HIVEP3: variants seen among roughly 807,000 people sequenced by gnomAD.
The protein encoded by HIVEP3 is HIVEP zinc finger 3, also known as transcription factor HIVEP3.
Under a neutral mutation model 152.8 loss-of-function variants are expected in HIVEP3, and 49 were observed. The observed-to-expected ratio is 0.32, with a 90% CI of 0.26 to 0.41. The LOEUF is 0.41. Ranked by LOEUF, HIVEP3 falls within the 10% of genes least tolerant of loss-of-function variation. The pLI, the probability that HIVEP3 is intolerant of heterozygous loss-of-function variation, is 1.00. For missense variants in HIVEP3, 2,790 were observed against 3,103.3 expected (o/e 0.90, Z 2.40); for synonymous variants, 1,269 against 1,289.0 (o/e 0.98, Z 0.33).
At chr1:41,730,355 G>A (rs1362269275) in intron 1 of HIVEP3, among the ~76,000 whole-genome samples, 2 of 152,364 alleles carry the variant, frequency 1.3e-5, no homozygotes, top group Admixed American at 1.3e-4. Context: ...GTGAGGAGTA[G>A]ATGAGCTGAT....
intron 2 of HIVEP3, among the ~76,000 whole-genome samples, chr1:41,660,907 A>T (rs1027109995): frequency 2.0e-5 from 3 of 152,204 alleles, no homozygotes; most frequent in African/African-American, 7.2e-5. Context: ...CACTGAACAC[A>T]CTGGGAAAAT....
chr1:41,853,673 G>T (rs1183631700), intron 1 of HIVEP3, among the ~76,000 whole-genome samples: 1 of 152,200 alleles, frequency 6.6e-6, no homozygotes, highest in Non-Finnish European at 1.5e-5. Flanking sequence ...GGATTTCAAC[G>T]TGTAGAAAGG....
intron 3 of HIVEP3, 111 bp from the exon 4 acceptor site, chr1:41,585,429 T>A: frequency 2.5e-6 from 1 of 398,220 alleles, no homozygotes; most frequent in East Asian, 3.6e-5. Context: ...CACACCTGGC[T>A]GAGACCCCTC....
intron 1 of HIVEP3, among the ~76,000 whole-genome samples, chr1:41,933,886 C>A (rs1216997319): frequency 1.3e-5 from 2 of 152,044 alleles, no homozygotes; most frequent in African/African-American, 4.8e-5. Context: ...CCCATCCCTC[C>A]CCTGCTTCAC....
At chr1:42,028,316 G>A (rs1446266474) in intron 1 of HIVEP3, among the ~76,000 whole-genome samples, 3 of 152,146 alleles carry the variant, frequency 2.0e-5, no homozygotes, top group Non-Finnish European at 2.9e-5. Context: ...TATAGTAAGT[G>A]CTCAGTAAAT....
chr1:41,966,601 G>A (rs1034520495), intron 1 of HIVEP3, among the ~76,000 whole-genome samples: 3 of 150,606 alleles, frequency 2.0e-5, no homozygotes, highest in Non-Finnish European at 4.4e-5. Context: ...AGCCTCCCGA[G>A]TAGCTGGGAC....
At chr1:41,550,888 C>G (rs2149081037) in intron 5 of HIVEP3, among the ~76,000 whole-genome samples, 1 of 152,198 alleles carries the variant, frequency 6.6e-6, no homozygotes, top group African/African-American at 2.4e-5. Context: ...GCCTGATTGC[C>G]CTGGCCAGAA....
At chr1:41,524,203 G>A (rs1642837591) in intron 6 of HIVEP3, among the ~76,000 whole-genome samples, 1 of 152,204 alleles carries the variant, frequency 6.6e-6, no homozygotes, top group Admixed American at 6.5e-5. Context: ...CCTGTGCTGA[G>A]AGGTGCAGAG....
At chr1:41,617,925 T>C (rs1644992213) in intron 3 of HIVEP3, among the ~76,000 whole-genome samples, 1 of 152,232 alleles carries the variant, frequency 6.6e-6, no homozygotes, top group African/African-American at 2.4e-5. Flanking sequence ...TGGAGGGCAA[T>C]GACCGCACCA....
At chr1:41,790,696 G>A (rs767280700) in intron 1 of HIVEP3, among the ~76,000 whole-genome samples, 3 of 152,118 alleles carry the variant, frequency 2.0e-5, no homozygotes, top group Non-Finnish European at 4.4e-5. Flanking sequence ...ATCTATCTGT[G>A]AGTTCACCCA....
chr1:41,704,377 C>T (rs1478580389), intron 1 of HIVEP3, among the ~76,000 whole-genome samples: 1 of 152,222 alleles, frequency 6.6e-6, no homozygotes, highest in Non-Finnish European at 1.5e-5. Flanking sequence ...TCTGTGGAGG[C>T]GAGACAGCTG....
At chr1:41,817,236 C>T (rs572998400) in intron 1 of HIVEP3, among the ~76,000 whole-genome samples, 5 of 152,252 alleles carry the variant, frequency 3.3e-5, no homozygotes, top group South Asian at 4.1e-4. Flanking sequence ...CCACATTTTT[C>T]GGCCATGAGA....
chr1:41,681,916 G>C (rs1646045610), intron 2 of HIVEP3, among the ~76,000 whole-genome samples: 1 of 152,170 alleles, frequency 6.6e-6, no homozygotes, highest in Non-Finnish European at 1.5e-5. Context: ...CTCTGGGAAT[G>C]GTGAAGCCCT....
Position 41,816,657 on chromosome 1 carries a change from C to A in HIVEP3, c.-801+101756G>T, listed in dbSNP as rs150311082. On this transcript the variant is annotated intron_variant, in intron 1 of 8. Coordinates refer to ENST00000372583, the MANE Select transcript of HIVEP3 (RefSeq NM_024503.5). ...TCCCACCACTGCACTCCAGCCTGGGCAACAGAAGGAGACTTCAGCCTCAAA... is the reference window on the plus strand; with the variant it reads ...TCCCACCACTGCACTCCAGCCTGGGAAACAGAAGGAGACTTCAGCCTCAAA... Among the ~76,000 whole-genome samples, 12 of 152,290 alleles carry A rather than the reference C, an allele frequency of 7.9e-5. No homozygotes were observed. In the East Asian group the frequency reaches 2.3e-3, roughly 29 times the overall value.
chr1:41,639,899 C>A (rs550022049), intron 2 of HIVEP3, among the ~76,000 whole-genome samples: 1 of 152,154 alleles, frequency 6.6e-6, no homozygotes, highest in Non-Finnish European at 1.5e-5. Flanking sequence ...GGAGCCCAGT[C>A]ATTGATAGCG....
intron 7 of HIVEP3, among the ~76,000 whole-genome samples, chr1:41,517,381 T>C (rs1399125348): frequency 6.6e-6 from 1 of 152,164 alleles, no homozygotes; most frequent in Non-Finnish European, 1.5e-5. Context: ...TTGACAAGCA[T>C]AGTGAACCCC....
chr1:42,022,566 C>A (rs1284762414), intron 1 of HIVEP3, among the ~76,000 whole-genome samples: 1 of 152,168 alleles, frequency 6.6e-6, no homozygotes, highest in Non-Finnish European at 1.5e-5. Context: ...CTGTAAACTC[C>A]TTTGGGAAGA....
At chr1:41,589,569 C>G (rs919134756) in intron 3 of HIVEP3, among the ~76,000 whole-genome samples, 3 of 152,222 alleles carry the variant, frequency 2.0e-5, no homozygotes, top group African/African-American at 7.2e-5. Flanking sequence ...AGGGTGGACA[C>G]CCCAGAGGAC....
chr1:41,565,527 GACACACACACAC>G (rs56139506), intron 5 of HIVEP3, among the ~76,000 whole-genome samples: 3 of 137,276 alleles, frequency 2.2e-5, no homozygotes, highest in East Asian at 4.5e-4. Context: ...AAAACTGAAA[GACACACACACAC>G]ACACACACAC....
Sources: gnomAD v4.1 joint callset for allele counts (sites outside exome capture counted in the v4.1 genomes callset) on GRCh38, gnomAD v4.1.1 for gene constraint, MANE v1.5 for transcripts, NCBI Gene and HGNC (gene_info 2026-07-23, HGNC 2026-07-21) for gene names.